DNAJC15: variants seen among roughly 807,000 people sequenced by gnomAD.
The protein encoded by DNAJC15 is dnaJ homolog subfamily C member 15.
Under a neutral mutation model 22.4 loss-of-function variants are expected in DNAJC15, and 27 were observed. That is an observed-to-expected ratio of 1.20 (90% CI 0.89 to 1.66). DNAJC15 has a LOEUF of 1.66. Ranked by LOEUF, DNAJC15 falls within the 40% of genes most tolerant of loss-of-function variation. The probability of loss-of-function intolerance (pLI) is 0.00; values close to 1 mark genes in which losing one functional copy is unlikely to be tolerated. For missense variants in DNAJC15, 208 were observed against 187.1 expected, an observed-to-expected ratio of 1.11 and a Z score of -0.65; for synonymous variants, 79 against 63.2, an observed-to-expected ratio of 1.25 and a Z score of -1.19.
At chr13:43,081,981 C>A (rs1032002288) in intron 4 of DNAJC15, among the ~76,000 whole-genome samples, 1 of 151,986 alleles carries the variant, frequency 6.6e-6, no homozygotes. Context: ...GGGAATTGCC[C>A]TTTATAAAAC....
chr13:43,037,392 T>A (rs1054801818), intron 1 of DNAJC15, among the ~76,000 whole-genome samples: 1 of 152,204 alleles, frequency 6.6e-6, no homozygotes, highest in Non-Finnish European at 1.5e-5. Context: ...CAACTAGAGA[T>A]GCAGTGGGAT....
chr13:43,044,050 C>G (rs1240453320), intron 1 of DNAJC15, among the ~76,000 whole-genome samples: 1 of 152,156 alleles, frequency 6.6e-6, no homozygotes, highest in African/African-American at 2.4e-5. Context: ...TTCTCCTCCC[C>G]TCCTTATTCT....
In DNAJC15 at chr13:43,083,919, T is replaced by G. The variant is rs191405132; in HGVS notation, c.312-1849T>G. ...CTTATAGGAAAATATTTAATTCATT[T>G]TACTCATGGAAGACTATTTTATGTG... On this transcript the variant is annotated intron_variant, in intron 4 of 5. Coordinates refer to ENST00000379221, the MANE Select transcript of DNAJC15 (RefSeq NM_013238.3). Among the ~76,000 whole-genome samples, 6 of 152,336 alleles carry G rather than the reference T, an allele frequency of 3.9e-5. No homozygotes were observed. In the East Asian group the frequency reaches 1.2e-3, roughly 29 times the overall value.
chr13:43,031,372 A>G (rs1035142951), intron 1 of DNAJC15, among the ~76,000 whole-genome samples: 2 of 152,182 alleles, frequency 1.3e-5, no homozygotes, highest in Non-Finnish European at 2.9e-5. Flanking sequence ...ATTTTGTAGG[A>G]GTTGTGTGAT....
chr13:43,047,894 C>T (rs541370523), intron 1 of DNAJC15, among the ~76,000 whole-genome samples: 14 of 152,062 alleles, frequency 9.2e-5, no homozygotes, highest in Non-Finnish European at 1.5e-4. Flanking sequence ...GAAGGGCCAG[C>T]GGGCATCAGA....
intron 1 of DNAJC15, among the ~76,000 whole-genome samples, chr13:43,031,069 C>G (rs7337889): frequency 0.98 from 149,822 of 152,320 alleles, 73,727 homozygotes; most frequent in East Asian, 1. Context: ...GGGGCAGTCA[C>G]GTGGCACAAA....
intron 5 of DNAJC15, among the ~76,000 whole-genome samples, chr13:43,106,082 T>C (rs140417816): frequency 6.6e-6 from 1 of 152,308 alleles, no homozygotes; most frequent in East Asian, 1.9e-4. Context: ...CTTTGCTTTC[T>C]TTTCCCTTCA....
chr13:43,059,540 T>A (rs888516569), intron 1 of DNAJC15, among the ~76,000 whole-genome samples: 3 of 152,168 alleles, frequency 2.0e-5, no homozygotes, highest in African/African-American at 7.2e-5. Context: ...AATTTTGTAC[T>A]TTTAGTAGAG....
chr13:43,083,380 G>C (rs775749715), intron 4 of DNAJC15, among the ~76,000 whole-genome samples: 9 of 152,090 alleles, frequency 5.9e-5, no homozygotes, highest in Non-Finnish European at 1.2e-4. Context: ...TGTTAGCCAG[G>C]ATGGTCTCGA....
chr13:43,061,150 A>G (rs1368228117), intron 1 of DNAJC15, among the ~76,000 whole-genome samples: 1 of 152,210 alleles, frequency 6.6e-6, no homozygotes, highest in East Asian at 1.9e-4. Context: ...GGAAGAGGTT[A>G]TGAAATGACG....
At chr13:43,104,009 A>G (rs2040783715) in intron 5 of DNAJC15, among the ~76,000 whole-genome samples, 2 of 152,298 alleles carry the variant, frequency 1.3e-5, no homozygotes, top group South Asian at 2.1e-4. Context: ...AGTCTCTTAT[A>G]ACAATATATA....
intron 5 of DNAJC15, among the ~76,000 whole-genome samples, chr13:43,094,137 T>G (rs2040728429): frequency 6.6e-6 from 1 of 152,242 alleles, no homozygotes; most frequent in Non-Finnish European, 1.5e-5. Context: ...ACCATGCCAA[T>G]GAACTTTCAA....
At chr13:43,093,384 T>C (rs1407533192) in intron 5 of DNAJC15, among the ~76,000 whole-genome samples, 2 of 152,178 alleles carry the variant, frequency 1.3e-5, no homozygotes, top group African/African-American at 4.8e-5. Flanking sequence ...AAATTAACAC[T>C]GAAAAATTGT....
chr13:43,078,576 G>A (rs2040646511), intron 3 of DNAJC15, 36 bp from the exon 4 acceptor site: 1 of 1,582,574 alleles, frequency 6.3e-7, no homozygotes, highest in Non-Finnish European at 8.7e-7. Context: ...CTCATACGTG[G>A]AACTAATGAT....
chr13:43,027,904 T>G (rs1304801245), intron 1 of DNAJC15, among the ~76,000 whole-genome samples: 1 of 152,100 alleles, frequency 6.6e-6, no homozygotes, highest in Non-Finnish European at 1.5e-5. Flanking sequence ...CGATCCACCC[T>G]CCTCAACCTC....
At chr13:43,052,387 T>C (rs952017184) in intron 1 of DNAJC15, among the ~76,000 whole-genome samples, 3 of 152,156 alleles carry the variant, frequency 2.0e-5, no homozygotes, top group Admixed American at 2.0e-4. Context: ...TATTTGTGTA[T>C]CTTCTTTTGA....
At chr13:43,030,145 CTTA>C (rs1160558539) in intron 1 of DNAJC15, among the ~76,000 whole-genome samples, 1 of 152,126 alleles carries the variant, frequency 6.6e-6, no homozygotes, top group African/African-American at 2.4e-5. Context: ...TTGATCATTG[CTTA>C]TTAATATCTC....
In DNAJC15 at chr13:43,108,533, AATACTTTTTAG is replaced by A; in HGVS notation, c.*1289_*1299del. ...AACTACTGCATTGTTTCTATCTTAAAATACTTTTTAGATATCCTAGATGCATCTTTCAACTT... is the reference window on the plus strand; with the variant it reads ...AACTACTGCATTGTTTCTATCTTAAAATATCCTAGATGCATCTTTCAACTT... On this transcript the variant is annotated 3_prime_UTR_variant, in exon 6 of 6. Transcript: ENST00000379221. 1 of 152,298 alleles carries A rather than the reference AATACTTTTTAG, an allele frequency of 6.6e-6. No individual in the cohort carries two copies. The highest frequency in any genetic ancestry group is 1.9e-4 in the East Asian group (1 of 5,186). 9.4% of individuals were successfully genotyped at this position (152,298 alleles called of 1,614,324 possible).
chr13:43,106,126 G>GA (rs1437095311), intron 5 of DNAJC15, among the ~76,000 whole-genome samples: 1 of 152,102 alleles, frequency 6.6e-6, no homozygotes, highest in South Asian at 2.1e-4. Flanking sequence ...TAAAAGGCCA[G>GA]AAAAAAGTCA....
Sources: allele counts gnomAD v4.1 joint callset (sites outside exome capture counted in the v4.1 genomes callset), GRCh38; gene constraint gnomAD v4.1.1; transcripts MANE v1.5; gene names NCBI Gene and HGNC (gene_info 2026-07-23, HGNC 2026-07-21).